CLEC20A: variants seen among roughly 807,000 people sequenced by gnomAD.
CLEC20A encodes putative C-type lectin domain family 20 member A.
Position 178,489,379 on chromosome 1 carries a change from A to T in CLEC20A, c.829+693T>A, listed in dbSNP as rs539939039. Reference sequence around the variant, plus strand: ...GTCTCAAAAATTAATTAATTAATTAATTTAACTAAATAAAAAATAAGGTAA... The same window carrying T: ...GTCTCAAAAATTAATTAATTAATTATTTTAACTAAATAAAAAATAAGGTAA... On this transcript the variant is annotated intron_variant, in intron 4 of 7. Coordinates refer to ENST00000623247, the Ensembl canonical transcript of CLEC20A. 2.4e-3 allele frequency among the ~76,000 whole-genome samples: 363 copies of T among 152,264 alleles called. 2 individuals are homozygous for T. Among genetic ancestry groups the T allele is most frequent in the African/African-American group, 8.4e-3 (350 of 41,528 alleles).
intron 1 of CLEC20A, among the ~76,000 whole-genome samples, chr1:178,495,136 A>C (rs1649356346): frequency 6.6e-6 from 1 of 152,186 alleles, no homozygotes; most frequent in Non-Finnish European, 1.5e-5. Context: ...TGCCTTTCCT[A>C]CATGCTGCAG....
exon 1 of CLEC20A, chr1:178,496,928 C>T (rs1006734109): frequency 7.5e-6 from 3 of 399,842 alleles, no homozygotes; most frequent in Non-Finnish European, 1.3e-5. Context: ...GCAGCAGCGC[C>T]CGGGGCAGCA....
upstream of CLEC20A, among the ~76,000 whole-genome samples, chr1:178,497,373 T>C (rs942571141): frequency 1.3e-5 from 2 of 152,200 alleles, no homozygotes; most frequent in African/African-American, 4.8e-5. Flanking sequence ...CTTGCCTGGC[T>C]GTGTAGAAAC....
chr1:178,484,782 AT>A (rs1161287775), intron 5 of CLEC20A: 1 of 152,232 alleles, frequency 6.6e-6, no homozygotes, highest in Non-Finnish European at 1.5e-5. Context: ...TTTAAAATGT[AT>A]TTGTATTGGT....
chr1:178,484,327 C>CAG (rs1649078938), intron 5 of CLEC20A: 1 of 152,150 alleles, frequency 6.6e-6, no homozygotes, highest in Non-Finnish European at 1.5e-5. Flanking sequence ...CACTGTTTTT[C>CAG]CCACATTCTC....
At chr1:178,489,942 G>C (rs1649233151) in intron 4 of CLEC20A, 130 bp downstream of exon 4, 1 of 397,384 alleles carries the variant, frequency 2.5e-6, no homozygotes, top group South Asian at 1.4e-4. Context: ...CCAGAACTCA[G>C]TTACCCCTCA....
At chr1:178,497,651 T>C (rs1031618526), upstream of CLEC20A, among the ~76,000 whole-genome samples, 5 of 152,252 alleles carry the variant, frequency 3.3e-5, no homozygotes, top group African/African-American at 1.2e-4. Context: ...CCCTCTATCA[T>C]TGGGTCTTCA....
chr1:178,497,810 A>C (rs1289267718), upstream of CLEC20A, among the ~76,000 whole-genome samples: 1 of 152,208 alleles, frequency 6.6e-6, no homozygotes, highest in Non-Finnish European at 1.5e-5. Context: ...TCTGGTAATT[A>C]ATAAGCAGAT....
exon 4 of CLEC20A, chr1:178,490,370 C>T (rs1407919861): frequency 1.8e-5 from 7 of 398,538 alleles, no homozygotes; most frequent in Non-Finnish European, 3.1e-5. Context: ...GGCAGTACAG[C>T]AGGGCCGAGG....
chr1:178,484,132 C>A (rs893783703), intron 5 of CLEC20A: 1 of 152,168 alleles, frequency 6.6e-6, no homozygotes, highest in Non-Finnish European at 1.5e-5. Flanking sequence ...CTGTAATAAA[C>A]AATGCCGCAA....
At chr1:178,496,541 C>T (rs1026887483) in intron 1 of CLEC20A, 11 of 239,606 alleles carry the variant, frequency 4.6e-5, no homozygotes, top group African/African-American at 1.6e-4. Flanking sequence ...ACCCCCACAA[C>T]GCCCGTCCCT....
At chr1:178,496,970 G>C, upstream of CLEC20A, 1 of 400,184 alleles carries the variant, frequency 2.5e-6, no homozygotes, top group Non-Finnish European at 4.4e-6. Context: ...ATGGCTGGGT[G>C]CTGGCTGGGC....
At chr1:178,486,953 A>C (rs1649161963) in intron 5 of CLEC20A, 2 of 396,616 alleles carry the variant, frequency 5.0e-6, no homozygotes, top group Non-Finnish European at 8.9e-6. Flanking sequence ...CGCGAGTAGG[A>C]GGTGCGGAGG....
chr1:178,478,976 T>G (rs1225068855), downstream of CLEC20A: 1 of 152,226 alleles, frequency 6.6e-6, no homozygotes, highest in Non-Finnish European at 1.5e-5. Context: ...AAAAATATAT[T>G]TTAACATTAA....
exon 2 of CLEC20A, chr1:178,494,784 C>T (rs1649346616): frequency 5.0e-6 from 2 of 399,252 alleles, no homozygotes; most frequent in Non-Finnish European, 8.8e-6. Flanking sequence ...AGAACCAAGT[C>T]CCTCTTACTG....
chr1:178,483,935 A>G (rs893922877), intron 5 of CLEC20A: 2 of 152,060 alleles, frequency 1.3e-5, no homozygotes, highest in Non-Finnish European at 1.5e-5. Context: ...CCCCTCCCCA[A>G]CCCAGGGACA....
At chr1:178,479,514 A>G (rs1006312126) in exon 8 of CLEC20A, 1 of 398,336 alleles carries the variant, frequency 2.5e-6, no homozygotes, top group African/African-American at 2.1e-5. Flanking sequence ...TGAAACAGAA[A>G]CTGCATATCC....
chr1:178,496,996 G>A (rs560919591), upstream of CLEC20A: 41 of 399,472 alleles, frequency 1.0e-4, no homozygotes, highest in South Asian at 1.3e-4. Flanking sequence ...ACAAGACCCC[G>A]GAGCTGGCGG....
chr1:178,484,288 C>T (rs1649076771), intron 5 of CLEC20A: 1 of 152,088 alleles, frequency 6.6e-6, no homozygotes, highest in Non-Finnish European at 1.5e-5. Context: ...GAGTGGTAGC[C>T]CCAGTCGGCA....
Sources: allele counts gnomAD v4.1 joint callset (sites outside exome capture counted in the v4.1 genomes callset), GRCh38; gene constraint gnomAD v4.1.1; transcripts MANE v1.5; gene names NCBI Gene and HGNC (gene_info 2026-07-23, HGNC 2026-07-21).